SYNDIG1: variants seen among roughly 807,000 people sequenced by gnomAD.
SYNDIG1 encodes the protein synapse differentiation inducing 1.
In SYNDIG1, 9 loss-of-function variants were observed where a neutral mutation model predicts 19.4. The ratio of observed to expected loss-of-function variants is 0.46; its 90% CI spans 0.28 to 0.81. The LOEUF (loss-of-function observed/expected upper bound fraction) is 0.81. SYNDIG1 is among the 30% of genes least tolerant of loss of function. The pLI is 0.12. For missense variants in SYNDIG1, 311 were observed against 343.3 expected (o/e 0.91, Z 0.74); for synonymous variants, 141 against 145.9 (o/e 0.97, Z 0.24).
At chr20:24,615,948 C>T (rs1035147506) in intron 3 of SYNDIG1, among the ~76,000 whole-genome samples, 1 of 151,924 alleles carries the variant, frequency 6.6e-6, no homozygotes, top group African/African-American at 2.4e-5. Context: ...TCAACCTCTA[C>T]CTGAAATTTA....
chr20:24,584,373 C>T (rs956472528), intron 2 of SYNDIG1, among the ~76,000 whole-genome samples: 2 of 152,244 alleles, frequency 1.3e-5, no homozygotes, highest in African/African-American at 4.8e-5. Flanking sequence ...TCTCGTAATA[C>T]AAAGAAAAAC....
chr20:24,654,034 C>T (rs2059499057), intron 3 of SYNDIG1, among the ~76,000 whole-genome samples: 1 of 152,286 alleles, frequency 6.6e-6, no homozygotes, highest in Non-Finnish European at 1.5e-5. Flanking sequence ...CAAAATTCAG[C>T]CTATAATAGT....
At chr20:24,528,878 A>G (rs953706982) in intron 1 of SYNDIG1, among the ~76,000 whole-genome samples, 1 of 152,216 alleles carries the variant, frequency 6.6e-6, no homozygotes, top group Non-Finnish European at 1.5e-5. Flanking sequence ...GCTTCTGCCA[A>G]GAATCACAGT....
chr20:24,547,013 A>G (rs1165662084), intron 2 of SYNDIG1, among the ~76,000 whole-genome samples: 1 of 151,896 alleles, frequency 6.6e-6, no homozygotes, highest in Non-Finnish European at 1.5e-5. Context: ...CTGGTTCAGA[A>G]TGGGGCCCCC....
rs192823238 is a variant in SYNDIG1, at chr20:24,560,490, G to T, written c.480+16913G>T. Among the ~76,000 whole-genome samples, 599 of 151,796 alleles carry T rather than the reference G, an allele frequency of 3.9e-3. 3 individuals are homozygous for T. The highest frequency in any genetic ancestry group is 0.013 in the Admixed American group (195 of 15,246). On this transcript the variant is annotated intron_variant, in intron 2 of 3. Coordinates refer to ENST00000376862, the MANE Select transcript of SYNDIG1 (RefSeq NM_024893.3). ...CTCTTGTGAATTTTCATTTCATATT[G>T]TATGTTCATTTCCATCCAGTTACTT...
chr20:24,592,726 A>G (rs1212913680), intron 3 of SYNDIG1, among the ~76,000 whole-genome samples: 1 of 151,934 alleles, frequency 6.6e-6, no homozygotes, highest in Non-Finnish European at 1.5e-5. Flanking sequence ...CTATCCTCAC[A>G]CCTCAGCCTC....
chr20:24,486,865 T>C (rs900355107), intron 1 of SYNDIG1, among the ~76,000 whole-genome samples: 1 of 152,024 alleles, frequency 6.6e-6, no homozygotes, highest in Non-Finnish European at 1.5e-5. Flanking sequence ...CACCATGTTG[T>C]CCAGGATGGT....
In SYNDIG1 at chr20:24,665,903, G is replaced by A. The variant is rs1184152955; in HGVS notation, c.*399G>A. On this transcript the variant is annotated 3_prime_UTR_variant, in exon 4 of 4. Transcript: ENST00000376862. ...TACGGTGCAATAGGCAGAGGACAAG[G>A]GACACATCACTCTTCTGTCTGTGGC... 1.0e-5 allele frequency: 2 copies of A among 197,210 alleles called. No homozygotes were observed. The highest frequency in any genetic ancestry group is 6.3e-5 in the Admixed American group (1 of 15,800). 12.2% of individuals were successfully genotyped at this position (197,210 alleles called of 1,614,324 possible).
At chr20:24,566,763 C>G (rs2058050033) in intron 2 of SYNDIG1, among the ~76,000 whole-genome samples, 1 of 152,198 alleles carries the variant, frequency 6.6e-6, no homozygotes, top group Non-Finnish European at 1.5e-5. Context: ...TCTCCCAAGT[C>G]CGTCAGGCTT....
At chr20:24,610,740 G>C (rs2058834127) in intron 3 of SYNDIG1, among the ~76,000 whole-genome samples, 1 of 152,310 alleles carries the variant, frequency 6.6e-6, no homozygotes, top group South Asian at 2.1e-4. Flanking sequence ...CCTTCACGAA[G>C]CCATCTGACC....
chr20:24,633,676 G>C (rs1054669455), intron 3 of SYNDIG1, among the ~76,000 whole-genome samples: 3 of 152,116 alleles, frequency 2.0e-5, no homozygotes, highest in Admixed American at 1.3e-4. Context: ...GTGAAGTCTC[G>C]TCAGCTCCCA....
At chr20:24,546,209 T>G (rs902769289) in intron 2 of SYNDIG1, among the ~76,000 whole-genome samples, 1 of 152,244 alleles carries the variant, frequency 6.6e-6, no homozygotes, top group South Asian at 2.1e-4. Flanking sequence ...TCTTCGGTAA[T>G]TAACAAAATA....
At position 24,543,233 on chromosome 20, in the gene SYNDIG1, C is replaced by A; in HGVS notation, c.136C>A (p.Pro46Thr). The A allele has an allele frequency of 6.2e-7, 1 of 1,613,886 alleles. No individual in the cohort carries two copies. Among genetic ancestry groups the A allele is most frequent in the Non-Finnish European group, 8.5e-7 (1 of 1,180,014 alleles). ...RDGLVSVYPA[P>T]QYQSHRVGAS... Reference sequence around the variant, plus strand: ...TGGTCTGGTGTCTGTTTACCCAGCGCCCCAGTACCAGAGCCACCGGGTGGG... The same window carrying A: ...TGGTCTGGTGTCTGTTTACCCAGCGACCCAGTACCAGAGCCACCGGGTGGG... The change falls in exon 2 of 4, where the codon CCC becomes ACC. Residue 46 changes from proline to threonine, a missense_variant. Coordinates refer to ENST00000376862, the MANE Select transcript of SYNDIG1 (RefSeq NM_024893.3).
intron 2 of SYNDIG1, among the ~76,000 whole-genome samples, chr20:24,566,127 G>C (rs1458893633): frequency 6.6e-6 from 1 of 152,116 alleles, no homozygotes; most frequent in Non-Finnish European, 1.5e-5. Flanking sequence ...CCCACAGAGG[G>C]AATCTCAGCC....
intron 1 of SYNDIG1, among the ~76,000 whole-genome samples, chr20:24,509,969 C>A (rs1054326360): frequency 6.6e-6 from 1 of 152,072 alleles, no homozygotes; most frequent in Non-Finnish European, 1.5e-5. Context: ...CTCCTGAGAT[C>A]TGGTGGTTTA....
intron 2 of SYNDIG1, among the ~76,000 whole-genome samples, chr20:24,545,543 C>T (rs1223256597): frequency 6.6e-6 from 1 of 152,090 alleles, no homozygotes; most frequent in Non-Finnish European, 1.5e-5. Context: ...GGGTCTGGGG[C>T]CCTGAGCTCA....
chr20:24,566,847 T>G (rs1347443783), intron 2 of SYNDIG1, among the ~76,000 whole-genome samples: 1 of 152,192 alleles, frequency 6.6e-6, no homozygotes, highest in Non-Finnish European at 1.5e-5. Flanking sequence ...ACTGAGAGTC[T>G]GCATTCCTAC....
intron 1 of SYNDIG1, among the ~76,000 whole-genome samples, chr20:24,503,956 G>C (rs1407001993): frequency 8.0e-6 from 1 of 125,292 alleles, no homozygotes; most frequent in Non-Finnish European, 1.6e-5. Context: ...GGGAGAGCAG[G>C]TTTTTTTTTT....
intron 3 of SYNDIG1, among the ~76,000 whole-genome samples, chr20:24,623,430 C>T (rs1309286645): frequency 6.6e-6 from 1 of 152,000 alleles, no homozygotes; most frequent in Admixed American, 6.6e-5. Flanking sequence ...GAAAATGTTA[C>T]AGGTCAGAAA....
Sources: allele counts gnomAD v4.1 joint callset (sites outside exome capture counted in the v4.1 genomes callset), GRCh38; gene constraint gnomAD v4.1.1; transcripts MANE v1.5; gene names NCBI Gene and HGNC (gene_info 2026-07-23, HGNC 2026-07-21).